The following ATXN10 variants were observed in gnomAD, a reference collection of about 807,000 sequenced individuals.
ATXN10 encodes the protein ataxin-10.
ATXN10 carries 28 observed loss-of-function variants against 52.9 expected under a neutral mutation model. That is an observed-to-expected ratio of 0.53 (90% CI 0.39 to 0.73). The LOEUF (loss-of-function observed/expected upper bound fraction) is 0.73. ATXN10 is among the 30% of genes least tolerant of loss of function. The probability of loss-of-function intolerance (pLI) is 0.00; values close to 1 mark genes in which losing one functional copy is unlikely to be tolerated. For missense variants in ATXN10, 565 were observed against 577.0 expected (o/e 0.98, Z 0.21); for synonymous variants, 226 against 221.5 (o/e 1.02, Z -0.18).
At chr22:45,831,701 G>C (rs1438029515) in intron 10 of ATXN10, among the ~76,000 whole-genome samples, 1 of 152,236 alleles carries the variant, frequency 6.6e-6, no homozygotes, top group Non-Finnish European at 1.5e-5. Flanking sequence ...CAGTGGAACA[G>C]CAATGCAATT....
rs1927119002 is a variant in ATXN10 at position 45,780,685 on chromosome 22, T to C, written c.1174-26274T>C. ...GCCTTTATTTTTGTTTGCACAAATA[T>C]ATCCTAATCTTCTGAAATTTAAACC... On this transcript the variant is annotated intron_variant, in intron 9 of 11. Transcript: ENST00000252934. The surrounding 1 kb of genome is among the most constrained non-coding windows in gnomAD (Gnocchi z 4.0). Among the ~76,000 whole-genome samples, 1 of 152,242 alleles carries C rather than the reference T, an allele frequency of 6.6e-6. No individual in the cohort carries two copies. The highest frequency in any genetic ancestry group is 2.4e-5 in the African/African-American group (1 of 41,460).
intron 5 of ATXN10, among the ~76,000 whole-genome samples, chr22:45,714,952 A>G (rs1436872635): frequency 6.6e-5 from 10 of 152,080 alleles, no homozygotes; most frequent in Non-Finnish European, 1.2e-4. Flanking sequence ...CATGGCTGAG[A>G]CCTGTCTTCC....
intron 6 of ATXN10, among the ~76,000 whole-genome samples, chr22:45,725,861 A>C (rs1924848520): frequency 6.6e-6 from 1 of 152,140 alleles, no homozygotes; most frequent in African/African-American, 2.4e-5. Context: ...GATTTTTATC[A>C]TAAAGGGATG....
intron 9 of ATXN10, among the ~76,000 whole-genome samples, chr22:45,758,880 C>T (rs1365518996): frequency 2.0e-5 from 3 of 152,136 alleles, no homozygotes; most frequent in South Asian, 2.1e-4. Flanking sequence ...CCAAGCTTAC[C>T]GTTTATTCTG....
intron 9 of ATXN10, among the ~76,000 whole-genome samples, chr22:45,745,403 A>G (rs1253506947): frequency 3.3e-5 from 5 of 152,176 alleles, no homozygotes; most frequent in Non-Finnish European, 7.3e-5. Flanking sequence ...GTTCTGCTAA[A>G]GGTTATGGAA....
At chr22:45,755,510 C>T (rs1456739220) in intron 9 of ATXN10, among the ~76,000 whole-genome samples, 1 of 152,170 alleles carries the variant, frequency 6.6e-6, no homozygotes, top group African/African-American at 2.4e-5. Flanking sequence ...CTTCCCTCCT[C>T]CTGGCCGCAC....
chr22:45,724,095 T>C (rs1601607449), intron 6 of ATXN10, among the ~76,000 whole-genome samples: 2 of 152,160 alleles, frequency 1.3e-5, no homozygotes, highest in East Asian at 1.9e-4. Flanking sequence ...AGTTGATGGG[T>C]ACTTACATTG....
rs1928619486 is a variant in ATXN10 at position 45,820,761 on chromosome 22, A to G, written c.1237+13739A>G. 1.3e-5 allele frequency among the ~76,000 whole-genome samples: 2 copies of G among 152,178 alleles called. No individual in the cohort carries two copies. The highest frequency in any genetic ancestry group is 4.1e-4 in the South Asian group (2 of 4,834). On this transcript the variant is annotated intron_variant, in intron 10 of 11. Coordinates refer to ENST00000252934, the MANE Select transcript of ATXN10 (RefSeq NM_013236.4). This position sits in a 1 kb window ranked among gnomAD's most constrained non-coding sequence, Gnocchi z 4.9. ...GTGGTTTGCTTACCCCGGCCATCCC[A>G]ACAATGGTGGTTGGTTTTTGTGAGC...
Position 45,672,261 on chromosome 22 carries a change from G to C in ATXN10, c.116+82G>C, listed in dbSNP as rs1922484206. The C allele has an allele frequency of 3.2e-6, 4 of 1,254,088 alleles. No individual in the cohort carries two copies. The Admixed American group carries it at 1.3e-4, about 42-fold the overall frequency. 77.7% of individuals were successfully genotyped at this position (1,254,088 alleles called of 1,614,324 possible). A position where few individuals can be genotyped will look rare whatever the true frequency, so the allele number is the denominator to read the frequency against. On this transcript the variant is annotated intron_variant, in intron 1 of 11. Coordinates refer to ENST00000252934, the MANE Select transcript of ATXN10 (RefSeq NM_013236.4). ...CGGCGGCCCCGGCCTGGACCCAGGC[G>C]CCGCCCCCGCCTCGCTGGAGACGCG...
intron 9 of ATXN10, among the ~76,000 whole-genome samples, chr22:45,751,500 A>G (rs1301043256): frequency 6.6e-6 from 1 of 151,872 alleles, no homozygotes; most frequent in Non-Finnish European, 1.5e-5. Context: ...CCACTGTTAT[A>G]TGTGTTTTTT....
In ATXN10 at chr22:45,813,222, A is replaced by AT. The variant is rs3833926; in HGVS notation, c.1237+6206dup. ...TTCTTATTTGTCAGTTTATTGTGGG[A>AT]TTTTTTGTTGTTGTTGTTTCCAAAT... On this transcript the variant is annotated intron_variant, in intron 10 of 11. Transcript: ENST00000252934. Among the ~76,000 whole-genome samples, 833 of 151,748 alleles carry AT rather than the reference A, an allele frequency of 5.5e-3. 51 individuals carry two copies. In the East Asian group the frequency reaches 0.14, roughly 25 times the overall value.
In ATXN10 at chr22:45,671,962, CT is replaced by C; in HGVS notation, c.-100del. On this transcript the variant is annotated 5_prime_UTR_variant, in exon 1 of 12. Coordinates refer to ENST00000252934, the MANE Select transcript of ATXN10 (RefSeq NM_013236.4). ...GGGCTGTGTAGGGCGAGGCCTCCCC[CT>C]TCCTCCTCGCCATCCTACTCCTCCC... The C allele has an allele frequency of 7.4e-7, 1 of 1,348,184 alleles. No homozygotes were observed. The highest frequency in any genetic ancestry group is 1.0e-6 in the Non-Finnish European group (1 of 988,868). The allele number at this position is 1,348,184 out of a possible 1,614,324, so 83.5% of individuals were successfully genotyped here. A position where few individuals can be genotyped will look rare whatever the true frequency, so the allele number is the denominator to read the frequency against.
intron 9 of ATXN10, 86 bp downstream of exon 9, chr22:45,740,624 A>T: frequency 7.9e-7 from 1 of 1,270,620 alleles, no homozygotes; most frequent in Non-Finnish European, 1.1e-6. Context: ...TTTGGAGTGA[A>T]AGCTTGAGGT....
chr22:45,739,039 C>T (rs1162233342), intron 8 of ATXN10, among the ~76,000 whole-genome samples, 200 bp downstream of exon 8: 2 of 152,168 alleles, frequency 1.3e-5, no homozygotes, highest in Non-Finnish European at 2.9e-5. Flanking sequence ...TCAGCCACTT[C>T]CCTTCTGTTA....
At position 45,745,819 on chromosome 22, in the gene ATXN10, G is replaced by T. The variant is rs192995942; in HGVS notation, c.1173+5281G>T. On this transcript the variant is annotated intron_variant, in intron 9 of 11. Transcript: ENST00000252934. Reference sequence around the variant, plus strand: ...GTTGAATGTTTACTACATATCAAGTGCACTTTTAGGTTCTGAAGATACACA... The same window carrying T: ...GTTGAATGTTTACTACATATCAAGTTCACTTTTAGGTTCTGAAGATACACA... Among the ~76,000 whole-genome samples the T allele has an allele frequency of 3.0e-3, 457 of 152,174 alleles. 2 individuals carry two copies. Among genetic ancestry groups the T allele is most frequent in the South Asian group, 0.01 (50 of 4,828 alleles).
chr22:45,813,256 C>G (rs1928343219), intron 10 of ATXN10, among the ~76,000 whole-genome samples: 1 of 151,146 alleles, frequency 6.6e-6, no homozygotes, highest in African/African-American at 2.4e-5. Context: ...ATAGAAACAG[C>G]TGAACTTTAT....
chr22:45,778,983 T>A (rs941679744), intron 9 of ATXN10, among the ~76,000 whole-genome samples: 3 of 152,180 alleles, frequency 2.0e-5, no homozygotes, highest in African/African-American at 4.8e-5. Context: ...CCTGATTATA[T>A]GAGTTGGGGA....
rs1007666628 is a variant in ATXN10, at chr22:45,677,674, T to G, written c.116+5495T>G. 5.9e-5 allele frequency: 9 copies of G among 152,138 alleles called. No individual in the cohort carries two copies. The highest frequency in any genetic ancestry group is 3.3e-4 in the Admixed American group (5 of 15,262). 9.4% of individuals were successfully genotyped at this position (152,138 alleles called of 1,614,324 possible). ...TAAAAATTGGGCAAAATCTGTGCTTTACAAAGAAAAATAAAGGCCAATAAG... is the reference window on the plus strand; with the variant it reads ...TAAAAATTGGGCAAAATCTGTGCTTGACAAAGAAAAATAAAGGCCAATAAG... On this transcript the variant is annotated intron_variant, in intron 1 of 11. Coordinates refer to ENST00000252934, the MANE Select transcript of ATXN10 (RefSeq NM_013236.4). This position sits in a 1 kb window ranked among gnomAD's most constrained non-coding sequence, Gnocchi z 4.1.
intron 9 of ATXN10, among the ~76,000 whole-genome samples, chr22:45,803,982 T>C (rs1035900255): frequency 2.0e-5 from 3 of 152,122 alleles, no homozygotes; most frequent in East Asian, 1.9e-4. Context: ...GAGCCACTTA[T>C]CTTTCCCTCA....
Sources: gnomAD v4.1 joint callset for allele counts (sites outside exome capture counted in the v4.1 genomes callset) on GRCh38, gnomAD v4.1.1 for gene constraint, Gnocchi (gnomAD v3.1) non-coding constraint, MANE v1.5 for transcripts, NCBI Gene and HGNC (gene_info 2026-07-23, HGNC 2026-07-21) for gene names.